Variants in MME observed in about 807,000 individuals in gnomAD.
MME encodes neprilysin.
Under a neutral mutation model 113.2 loss-of-function variants are expected in MME, and 98 were observed. The observed-to-expected ratio is 0.87, with a 90% CI of 0.74 to 1.02. The LOEUF is 1.02. Ranked by LOEUF, MME falls within the 50% of genes least tolerant of loss-of-function variation. The probability of loss-of-function intolerance (pLI) is 0.00; values close to 1 mark genes in which losing one functional copy is unlikely to be tolerated. For synonymous variants in MME, 292 were observed against 300.6 expected, an observed-to-expected ratio of 0.97 and a Z score of 0.30; for missense variants, 836 against 896.0, an observed-to-expected ratio of 0.93 and a Z score of 0.86.
intron 8 of MME, among the ~76,000 whole-genome samples, chr3:155,126,165 G>A (rs751611461): frequency 6.6e-6 from 1 of 152,166 alleles, no homozygotes; most frequent in Non-Finnish European, 1.5e-5. Context: ...TAGTTGCTGT[G>A]TGGGGTACAG....
chr3:155,072,053 G>T (rs540226213), intron 1 of MME, among the ~76,000 whole-genome samples: 2 of 151,680 alleles, frequency 1.3e-5, no homozygotes, highest in Non-Finnish European at 2.9e-5. Context: ...CCCAGCTACT[G>T]GGGAGGCTGA....
At chr3:155,081,593 G>A (rs560646666) in intron 1 of MME, 12 of 151,280 alleles carry the variant, frequency 7.9e-5, no homozygotes, top group African/African-American at 2.9e-4. Context: ...TGCTTTATAT[G>A]GGACTATAAG....
At chr3:155,034,121 C>A (rs1371816560) in intron 1 of MME, among the ~76,000 whole-genome samples, 2 of 152,110 alleles carry the variant, frequency 1.3e-5, no homozygotes, top group East Asian at 3.9e-4. Context: ...CTCAACTTAA[C>A]AGTAAGATGT....
At chr3:155,157,057 G>T (rs868418483) in intron 16 of MME, among the ~76,000 whole-genome samples, 2 of 151,902 alleles carry the variant, frequency 1.3e-5, no homozygotes, top group Non-Finnish European at 2.9e-5. Context: ...GAAACACCTG[G>T]TTCCTCTGTC....
In MME at chr3:155,118,759, G is replaced by A. The variant is rs41267905; in HGVS notation, c.668G>A (p.Arg223Gln). The A allele has an allele frequency of 5.6e-6, 9 of 1,598,320 alleles. No homozygotes were observed. Among genetic ancestry groups the A allele is most frequent in the East Asian group, 2.2e-5 (1 of 44,614 alleles). ...TATTTTTTATAGATTGACCAACCTC[G>A]ACTTGGCCTCCCTTCTAGAGATTAC... ...VNHVIHIDQPRLGLPSRDYYE... is the reference protein window; with the variant it reads ...VNHVIHIDQPQLGLPSRDYYE... Residue 223 changes from arginine to glutamine, a missense_variant, in exon 8 of 23, where the codon CGA becomes CAA. Transcript: ENST00000360490.
chr3:155,025,205 T>C (rs1284366211), intron 1 of MME, among the ~76,000 whole-genome samples: 1 of 152,138 alleles, frequency 6.6e-6, no homozygotes, highest in Non-Finnish European at 1.5e-5. Flanking sequence ...TTTGCCACTA[T>C]ATGCCTGCCA....
chr3:155,088,462 T>A (rs1247465034), intron 3 of MME, among the ~76,000 whole-genome samples: 1 of 152,076 alleles, frequency 6.6e-6, no homozygotes, highest in African/African-American at 2.4e-5. Context: ...GGCGGGCAGA[T>A]CACCTGAGGT....
At chr3:155,071,167 G>A (rs144006920) in intron 1 of MME, among the ~76,000 whole-genome samples, 5 of 152,198 alleles carry the variant, frequency 3.3e-5, no homozygotes, top group African/African-American at 4.8e-5. Context: ...CTCCTTTCCC[G>A]TTTCTCTGCG....
chr3:155,113,600 A>G (rs2108247410), intron 3 of MME, among the ~76,000 whole-genome samples: 1 of 152,280 alleles, frequency 6.6e-6, no homozygotes, highest in Non-Finnish European at 1.5e-5. Context: ...TTTTTCAGCA[A>G]GGTTGTGGCC....
At chr3:155,168,995 C>T in intron 20 of MME, 198 bp downstream of exon 20, 1 of 548,174 alleles carries the variant, frequency 1.8e-6, no homozygotes, top group African/African-American at 1.9e-5. Flanking sequence ...CGGAGCTGAA[C>T]ACTTAAGTTT....
chr3:155,060,829 C>CAGAG (rs138935329), intron 1 of MME, among the ~76,000 whole-genome samples: 2,684 of 137,728 alleles, frequency 0.019, 39 homozygotes, highest in African/African-American at 0.037. Flanking sequence ...TGCAGAGAGG[C>CAGAG]AGAGAGAGAG....
chr3:155,155,598 A>G (rs1722255266), intron 16 of MME, among the ~76,000 whole-genome samples: 1 of 152,194 alleles, frequency 6.6e-6, no homozygotes, highest in Non-Finnish European at 1.5e-5. Flanking sequence ...AACATGGAAT[A>G]TTCTTGCCTT....
chr3:155,104,829 G>T (rs1402813591), intron 3 of MME, among the ~76,000 whole-genome samples: 1 of 152,106 alleles, frequency 6.6e-6, no homozygotes, highest in African/African-American at 2.4e-5. Context: ...ACAATCAACA[G>T]CAGATCTGAT....
At chr3:155,089,863 GGGA>G (rs1716125061) in intron 3 of MME, 1 of 452,896 alleles carries the variant, frequency 2.2e-6, no homozygotes, top group Non-Finnish European at 4.5e-6. Context: ...TAATCCCAGA[GGGA>G]GGAGAATTGC....
At chr3:155,098,130 A>G (rs1716891248) in intron 3 of MME, among the ~76,000 whole-genome samples, 1 of 152,222 alleles carries the variant, frequency 6.6e-6, no homozygotes, top group South Asian at 2.1e-4. Context: ...AAAGGAAGGC[A>G]GCTGGATCAA....
intron 1 of MME, among the ~76,000 whole-genome samples, chr3:155,065,209 AGT>A (rs1714349326): frequency 6.6e-6 from 1 of 152,076 alleles, no homozygotes; most frequent in African/African-American, 2.4e-5. Flanking sequence ...TGTGTGTGTG[AGT>A]GTGTGTTTCT....
At chr3:155,145,002 G>A (rs1721395127) in intron 14 of MME, among the ~76,000 whole-genome samples, 1 of 152,188 alleles carries the variant, frequency 6.6e-6, no homozygotes, top group Admixed American at 6.5e-5. Flanking sequence ...AGAAAAAGCA[G>A]ACGATTTGGA....
Position 155,063,845 on chromosome 3 carries a change from T to C in MME, c.-10-20313T>C, listed in dbSNP as rs75161074. Among the ~76,000 whole-genome samples the C allele has an allele frequency of 1.8e-3, 270 of 150,914 alleles. 1 individual carries two copies. The highest frequency in any genetic ancestry group is 0.018 in the East Asian group (91 of 5,148). On this transcript the variant is annotated intron_variant, in intron 1 of 22. Transcript: ENST00000492661. ...GGTAATGGGAAAAAGCAAGCTGTTA[T>C]GAACTGAACTGTTTTGCCCTCAAAT... is the stretch of plus-strand genomic sequence containing the variant.
chr3:155,056,509 A>G (rs60113826), intron 1 of MME, among the ~76,000 whole-genome samples: 5,221 of 145,930 alleles, frequency 0.036, 277 homozygotes, highest in African/African-American at 0.12. Context: ...ACATGAACTC[A>G]TCATTTTTTA....
Sources: allele counts gnomAD v4.1 joint callset (sites outside exome capture counted in the v4.1 genomes callset), GRCh38; gene constraint gnomAD v4.1.1; transcripts MANE v1.5; gene names NCBI Gene and HGNC (gene_info 2026-07-23, HGNC 2026-07-21).